The following ABAT variants were observed in gnomAD, a reference collection of about 807,000 sequenced individuals.
The protein encoded by ABAT is 4-aminobutyrate aminotransferase.
In ABAT, 45 loss-of-function variants were observed where a neutral mutation model predicts 64.6. The ratio of observed to expected loss-of-function variants is 0.70; its 90% CI spans 0.55 to 0.89. The LOEUF (loss-of-function observed/expected upper bound fraction) is 0.89, where lower values mean the gene tolerates loss of function less well. ABAT is among the 40% of genes least tolerant of loss of function. The pLI is 0.00. For synonymous variants in ABAT, 297 were observed against 250.5 expected, an observed-to-expected ratio of 1.19 and a Z score of -1.75; for missense variants, 633 against 658.4, an observed-to-expected ratio of 0.96 and a Z score of 0.42.
intron 4 of ABAT, among the ~76,000 whole-genome samples, 186 bp from the exon 5 acceptor site, chr16:8,750,236 C>G (rs535298562): frequency 6.6e-6 from 1 of 152,228 alleles, no homozygotes. Flanking sequence ...GCTTACTGAA[C>G]TATTATAAAG....
intron 1 of ABAT, among the ~76,000 whole-genome samples, chr16:8,731,780 T>C (rs2058726807): frequency 6.6e-6 from 1 of 152,154 alleles, no homozygotes; most frequent in Non-Finnish European, 1.5e-5. Context: ...AAACTGAAAC[T>C]CCAAACACAC....
At chr16:8,718,806 C>A (rs6497548) in intron 1 of ABAT, among the ~76,000 whole-genome samples, 28,116 of 152,132 alleles carry the variant, frequency 0.18, 2,887 homozygotes, top group African/African-American at 0.26. Context: ...AGAGCAGATA[C>A]CTGCACACAC....
rs371748572 is a variant in ABAT at position 8,781,480 on chromosome 16, A to G, written c.*50A>G. 55 of 1,611,388 alleles carry G rather than the reference A, an allele frequency of 3.4e-5. No individual in the cohort carries two copies. Among genetic ancestry groups the G allele is most frequent in the Non-Finnish European group, 4.6e-5 (54 of 1,178,008 alleles). ...AAAGCCCGGATCCCAACAGTTGTCA[A>G]ATTGATTAGTTTGCCTAATTCATGT... On this transcript the variant is annotated 3_prime_UTR_variant, in exon 16 of 16. Transcript: ENST00000268251. This position sits in a 1 kb window ranked among gnomAD's most constrained non-coding sequence, Gnocchi z 4.5.
rs61527611 is a variant in ABAT, at chr16:8,705,264, G to T, written c.-41-30435G>T. ...ACCTTCTTCACAAGGTGGCAGGAGA[G>T]AGAGAGAGAGAGCACACAGGGAAAA... On this transcript the variant is annotated intron_variant, in intron 1 of 15. Coordinates refer to ENST00000268251, the MANE Select transcript of ABAT (RefSeq NM_020686.6). 3.9e-5 allele frequency among the ~76,000 whole-genome samples: 6 copies of T among 152,176 alleles called. No individual in the cohort carries two copies. The South Asian group carries it at 1.2e-3, about 32-fold the overall frequency.
At chr16:8,711,088 C>A (rs569250128) in intron 1 of ABAT, among the ~76,000 whole-genome samples, 11 of 152,270 alleles carry the variant, frequency 7.2e-5, no homozygotes, top group African/African-American at 2.6e-4. Flanking sequence ...AGACAAATTC[C>A]TTCAAGTAGA....
intron 4 of ABAT, among the ~76,000 whole-genome samples, chr16:8,749,229 A>G (rs1596453382): frequency 6.6e-6 from 1 of 150,660 alleles, no homozygotes; most frequent in South Asian, 2.1e-4. Flanking sequence ...CTGAGATTAC[A>G]GGCACCCGCC....
At chr16:8,717,184 G>A (rs569458323) in intron 1 of ABAT, among the ~76,000 whole-genome samples, 1 of 152,246 alleles carries the variant, frequency 6.6e-6, no homozygotes. Flanking sequence ...CAGCTACTCG[G>A]GAGGCTGAGG....
At chr16:8,774,626 G>A (rs1462390451) in intron 12 of ABAT, among the ~76,000 whole-genome samples, 1 of 152,142 alleles carries the variant, frequency 6.6e-6, no homozygotes. Flanking sequence ...TTGGTGCAGG[G>A]AGTATTTAAT....
intron 2 of ABAT, among the ~76,000 whole-genome samples, chr16:8,739,854 T>C (rs904243724): frequency 6.6e-6 from 1 of 151,910 alleles, no homozygotes; most frequent in African/African-American, 2.4e-5. Context: ...TTTTGGCACA[T>C]TTATGATTTA....
intron 5 of ABAT, among the ~76,000 whole-genome samples, chr16:8,754,126 C>T (rs1434625607): frequency 2.8e-5 from 4 of 143,624 alleles, no homozygotes; most frequent in African/African-American, 1.0e-4. Flanking sequence ...AGGAAAATAG[C>T]TTGAGCTCAG....
chr16:8,685,177 T>C (rs2057424942), intron 1 of ABAT, among the ~76,000 whole-genome samples: 1 of 151,518 alleles, frequency 6.6e-6, no homozygotes, highest in Non-Finnish European at 1.5e-5. Flanking sequence ...TGCCAACTAC[T>C]CGGGAGGCTG....
At chr16:8,684,276 G>A (rs2057401241) in intron 1 of ABAT, among the ~76,000 whole-genome samples, 1 of 152,082 alleles carries the variant, frequency 6.6e-6, no homozygotes, top group African/African-American at 2.4e-5. Context: ...AATCGCAGGG[G>A]AAAAAGGAAG....
chr16:8,763,721 G>C (rs1334961321), intron 6 of ABAT, among the ~76,000 whole-genome samples: 2 of 152,162 alleles, frequency 1.3e-5, no homozygotes, highest in African/African-American at 2.4e-5. Flanking sequence ...TAGCCATTCT[G>C]ATGGTTAAAT....
chr16:8,675,525 T>A (rs1394137132), intron 1 of ABAT, among the ~76,000 whole-genome samples: 1 of 151,742 alleles, frequency 6.6e-6, no homozygotes, highest in Non-Finnish European at 1.5e-5. Context: ...ATCCCATCCT[T>A]CTCCACCTCA....
At chr16:8,754,811 C>T (rs1205404849) in intron 5 of ABAT, among the ~76,000 whole-genome samples, 1 of 151,740 alleles carries the variant, frequency 6.6e-6, no homozygotes, top group Non-Finnish European at 1.5e-5. Context: ...CTCTGCCCCC[C>T]TGGTTCAAGC....
At chr16:8,685,237 G>A (rs925883556) in intron 1 of ABAT, among the ~76,000 whole-genome samples, 1 of 151,946 alleles carries the variant, frequency 6.6e-6, no homozygotes, top group Non-Finnish European at 1.5e-5. Flanking sequence ...AGTGAGCCAG[G>A]ATCACGCCAT....
chr16:8,727,608 T>C (rs1743737719), intron 1 of ABAT, among the ~76,000 whole-genome samples: 1 of 152,196 alleles, frequency 6.6e-6, no homozygotes, highest in African/African-American at 2.4e-5. Context: ...AACTGGAAAA[T>C]TTTTATGTAC....
intron 2 of ABAT, among the ~76,000 whole-genome samples, chr16:8,743,647 TA>T (rs1327462153): frequency 4.9e-3 from 32 of 6,544 alleles, no homozygotes; most frequent in South Asian, 0.025. Context: ...TTATAATATA[TA>T]ATATATATTT....
intron 6 of ABAT, among the ~76,000 whole-genome samples, chr16:8,761,348 G>A (rs1038643177): frequency 2.6e-5 from 4 of 152,066 alleles, no homozygotes; most frequent in African/African-American, 4.8e-5. Context: ...ACTGTGCCGC[G>A]TGTGGAACCC....
Sources: allele counts gnomAD v4.1 joint callset (sites outside exome capture counted in the v4.1 genomes callset), GRCh38; gene constraint gnomAD v4.1.1; non-coding constraint Gnocchi (gnomAD v3.1); transcripts MANE v1.5; gene names NCBI Gene and HGNC (gene_info 2026-07-23, HGNC 2026-07-21).